The following CSMD3 variants were observed in gnomAD, a reference collection of about 807,000 sequenced individuals.
The protein encoded by CSMD3 is CUB and sushi domain-containing protein 3.
A neutral mutation model predicts 435.2 loss-of-function variants in CSMD3; 177 were observed. The observed-to-expected ratio is 0.41, with a 90% CI of 0.36 to 0.46. The LOEUF is 0.46. Among genes scored for constraint, CSMD3 ranks in the 20% least tolerant of loss-of-function variants. The pLI is 0.34. For synonymous variants in CSMD3, 1,656 were observed against 1,520.5 expected (o/e 1.09, Z -2.07); for missense variants, 4,265 against 4,504.6 (o/e 0.95, Z 1.52).
At chr8:112,860,468 C>T (rs2080796474) in intron 10 of CSMD3, among the ~76,000 whole-genome samples, 1 of 151,474 alleles carries the variant, frequency 6.6e-6, no homozygotes, top group Admixed American at 6.6e-5. Flanking sequence ...AATCTTTTTT[C>T]CCCATTTACT....
At chr8:112,372,578 G>A (rs536660202) in intron 38 of CSMD3, among the ~76,000 whole-genome samples, 3 of 152,160 alleles carry the variant, frequency 2.0e-5, no homozygotes, top group South Asian at 4.1e-4. Context: ...TGGCGGGCGC[G>A]GTGGCTCATG....
intron 38 of CSMD3, among the ~76,000 whole-genome samples, chr8:112,371,685 C>T (rs1008945392): frequency 6.6e-6 from 1 of 151,914 alleles, no homozygotes; most frequent in East Asian, 1.9e-4. Flanking sequence ...GTCAGGAGTT[C>T]GAGAACAGCC....
chr8:112,573,405 C>G (rs1829691780), intron 24 of CSMD3, 96 bp downstream of exon 24: 2 of 1,042,470 alleles, frequency 1.9e-6, no homozygotes, highest in Non-Finnish European at 3.0e-6. Context: ...AATTAATAAT[C>G]AAATATTGGA....
At chr8:113,189,405 A>C (rs2092553546) in intron 3 of CSMD3, among the ~76,000 whole-genome samples, 1 of 151,846 alleles carries the variant, frequency 6.6e-6, no homozygotes, top group Non-Finnish European at 1.5e-5. Flanking sequence ...TTCAGTGAGC[A>C]AGCATACTTC....
At chr8:112,624,021 G>A (rs1054164405) in intron 22 of CSMD3, among the ~76,000 whole-genome samples, 9 of 152,032 alleles carry the variant, frequency 5.9e-5, no homozygotes, top group Admixed American at 5.3e-4. Flanking sequence ...ATTCATGGCA[G>A]AGGAGGGGAC....
intron 13 of CSMD3, among the ~76,000 whole-genome samples, chr8:112,708,135 G>A (rs970477653): frequency 2.6e-5 from 4 of 152,056 alleles, no homozygotes; most frequent in South Asian, 2.1e-4. Flanking sequence ...CTAGGTGAGT[G>A]TAGGGATGAT....
intron 3 of CSMD3, among the ~76,000 whole-genome samples, chr8:113,241,399 T>G (rs1287533686): frequency 2.6e-5 from 4 of 152,012 alleles, no homozygotes; most frequent in Admixed American, 2.0e-4. Flanking sequence ...CCTGAAAAGA[T>G]AAGAGAGAAA....
At chr8:112,405,246 T>TATACACAC (rs1199452249) in intron 35 of CSMD3, among the ~76,000 whole-genome samples, 5 of 81,536 alleles carry the variant, frequency 6.1e-5, no homozygotes, top group African/African-American at 2.7e-4. Context: ...TATATATATA[T>TATACACAC]ACATATATAT....
chr8:112,821,611 CTGA>C (rs2132436713), intron 12 of CSMD3, among the ~76,000 whole-genome samples: 1 of 152,260 alleles, frequency 6.6e-6, no homozygotes, highest in South Asian at 2.1e-4. Context: ...CCTGTTCACT[CTGA>C]TGATAGTTTA....
At chr8:112,439,540 C>A (rs908644236) in intron 32 of CSMD3, among the ~76,000 whole-genome samples, 10 of 152,020 alleles carry the variant, frequency 6.6e-5, no homozygotes, top group Non-Finnish European at 1.0e-4. Context: ...CCTTTGTATA[C>A]AAAAATACAA....
At chr8:112,792,421 G>A in intron 13 of CSMD3, among the ~76,000 whole-genome samples, 1 of 152,020 alleles carries the variant, frequency 6.6e-6, no homozygotes, top group Non-Finnish European at 1.5e-5. Context: ...GTGGTCTCTG[G>A]TTCATATAAG....
At chr8:112,395,299 C>T (rs777275757) in intron 35 of CSMD3, among the ~76,000 whole-genome samples, 14 of 152,078 alleles carry the variant, frequency 9.2e-5, no homozygotes, top group Admixed American at 2.0e-4. Context: ...TTATATCTAC[C>T]TTCCAAAGTT....
intron 31 of CSMD3, among the ~76,000 whole-genome samples, chr8:112,477,046 C>T (rs11780166): frequency 0.25 from 38,450 of 152,074 alleles, 4,995 homozygotes; most frequent in East Asian, 0.38. Context: ...TTAAATGAAC[C>T]ATATCTGCAA....
intron 4 of CSMD3, among the ~76,000 whole-genome samples, chr8:113,128,064 G>A (rs78687676): frequency 0.026 from 3,893 of 152,094 alleles, 79 homozygotes; most frequent in Middle Eastern, 0.061. Context: ...TTACTACCTC[G>A]TCTGAAATAA....
In CSMD3 at chr8:112,223,263, A is replaced by G; in HGVS notation, c.*1508T>C. 2 of 382,696 alleles carry G rather than the reference A, an allele frequency of 5.2e-6. No individual in the cohort carries two copies. The highest frequency in any genetic ancestry group is 9.3e-6 in the Non-Finnish European group (2 of 215,450). The allele number at this position is 382,696 out of a possible 1,614,324, so 23.7% of individuals were successfully genotyped here. A position where few individuals can be genotyped will look rare whatever the true frequency, so the allele number is the denominator to read the frequency against. ...AAAACAATGTATCTCAAAGTGGTTTACAAGAAATTCATTAAATGTTGTAGA... is the reference window on the plus strand; with the variant it reads ...AAAACAATGTATCTCAAAGTGGTTTGCAAGAAATTCATTAAATGTTGTAGA... On this transcript the variant is annotated 3_prime_UTR_variant, in exon 71 of 71. Transcript: ENST00000297405.
intron 23 of CSMD3, among the ~76,000 whole-genome samples, chr8:112,575,836 A>G (rs763714763): frequency 6.6e-6 from 1 of 152,122 alleles, no homozygotes; most frequent in Non-Finnish European, 1.5e-5. Flanking sequence ...TCTCAAAAGT[A>G]TGCTTCTGAA....
intron 1 of CSMD3, among the ~76,000 whole-genome samples, chr8:113,348,617 G>C (rs2094168131): frequency 6.6e-6 from 1 of 152,026 alleles, no homozygotes; most frequent in African/African-American, 2.4e-5. Flanking sequence ...GGGAGGGACA[G>C]GTGGGGGCTA....
chr8:113,191,785 T>A (rs769971044), intron 3 of CSMD3, among the ~76,000 whole-genome samples: 5 of 151,738 alleles, frequency 3.3e-5, no homozygotes, highest in Non-Finnish European at 7.4e-5. Context: ...AGTAATAAGA[T>A]TGCTGGGTCA....
At chr8:112,312,081 T>C (rs1822029869) in intron 49 of CSMD3, among the ~76,000 whole-genome samples, 1 of 152,214 alleles carries the variant, frequency 6.6e-6, no homozygotes, top group Non-Finnish European at 1.5e-5. Flanking sequence ...TACAATTGTT[T>C]AATTTGAATA....
Sources: gnomAD v4.1 joint callset for allele counts (sites outside exome capture counted in the v4.1 genomes callset) on GRCh38, gnomAD v4.1.1 for gene constraint, MANE v1.5 for transcripts, NCBI Gene and HGNC (gene_info 2026-07-23, HGNC 2026-07-21) for gene names.